The following BMPR1A variants were observed in gnomAD, a reference collection of about 807,000 sequenced individuals.
The protein encoded by BMPR1A is bone morphogenetic protein receptor type 1A, also known as bone morphogenetic protein receptor type-1A.
In BMPR1A, 7 loss-of-function variants were observed where a neutral mutation model predicts 66.0. The observed-to-expected ratio is 0.11, with a 90% CI of 0.06 to 0.20. BMPR1A has a LOEUF of 0.20. BMPR1A is among the 10% of genes least tolerant of loss of function. The probability of loss-of-function intolerance (pLI) is 1.00; values close to 1 mark genes in which losing one functional copy is unlikely to be tolerated. For missense variants in BMPR1A, 408 were observed against 669.1 expected (o/e 0.61, Z 4.31); for synonymous variants, 200 against 229.7 (o/e 0.87, Z 1.17).
At chr10:86,907,435 A>C (rs1247406823) in intron 7 of BMPR1A, among the ~76,000 whole-genome samples, 1 of 152,190 alleles carries the variant, frequency 6.6e-6, no homozygotes, top group Non-Finnish European at 1.5e-5. Flanking sequence ...GTCCCTCAAA[A>C]AACTAAAATC....
At chr10:86,916,636 C>T (rs746898955) in intron 8 of BMPR1A, among the ~76,000 whole-genome samples, 1 of 152,208 alleles carries the variant, frequency 6.6e-6, no homozygotes, top group South Asian at 2.1e-4. Flanking sequence ...TGCAAACAGC[C>T]AGCCACTTGA....
At chr10:86,778,332 T>C (rs1339916823) in intron 1 of BMPR1A, among the ~76,000 whole-genome samples, 1 of 152,018 alleles carries the variant, frequency 6.6e-6, no homozygotes, top group East Asian at 1.9e-4. Context: ...TTAATAGAAA[T>C]GGGGTCTCAC....
intron 1 of BMPR1A, among the ~76,000 whole-genome samples, chr10:86,794,927 C>G (rs1432015305): frequency 6.6e-6 from 1 of 151,612 alleles, no homozygotes; most frequent in African/African-American, 2.4e-5. Context: ...TCTTGACTCA[C>G]CGCACACTCC....
At chr10:86,764,326 T>A (rs1029962303) in intron 1 of BMPR1A, among the ~76,000 whole-genome samples, 3 of 152,240 alleles carry the variant, frequency 2.0e-5, no homozygotes, top group African/African-American at 7.2e-5. Flanking sequence ...AAGAATCATT[T>A]AAAAATGTCA....
rs1490089030 is a variant in BMPR1A, at chr10:86,828,193, C to T, written c.-267-10672C>T. On this transcript the variant is annotated intron_variant, in intron 1 of 12. Transcript: ENST00000372037. ...TATCATGGTACAACAATTACTTGATCGTAATAGAAGATGTGTTCAGTTTTT... is the reference window on the plus strand; with the variant it reads ...TATCATGGTACAACAATTACTTGATTGTAATAGAAGATGTGTTCAGTTTTT... Among the ~76,000 whole-genome samples the T allele has an allele frequency of 3.9e-5, 6 of 152,224 alleles. No individual in the cohort carries two copies. The East Asian group carries it at 7.7e-4, about 20-fold the overall frequency.
intron 1 of BMPR1A, among the ~76,000 whole-genome samples, chr10:86,798,786 C>T (rs905300007): frequency 2.6e-5 from 4 of 152,190 alleles, no homozygotes; most frequent in African/African-American, 7.2e-5. Flanking sequence ...CTTTGTTGCA[C>T]TTACCATAAT....
chr10:86,780,992 C>T (rs7072197), intron 1 of BMPR1A, among the ~76,000 whole-genome samples: 40,461 of 151,984 alleles, frequency 0.27, 6,808 homozygotes, highest in East Asian at 0.69. Flanking sequence ...TGTGAGCCAC[C>T]GTGCCTGGCC....
Position 86,818,892 on chromosome 10 carries a change from A to T in BMPR1A, c.-267-19973A>T, listed in dbSNP as rs376589487. On this transcript the variant is annotated intron_variant, in intron 1 of 12. Coordinates refer to ENST00000372037, the MANE Select transcript of BMPR1A (RefSeq NM_004329.3). The stretch of plus-strand genomic sequence containing the variant: ...TTTCCAAGAAGGCAAGATTTTTTGG[A>T]TTTTTTTGTTGTTGTTCATTGCTGT... Among the ~76,000 whole-genome samples, 5 of 152,182 alleles carry T rather than the reference A, an allele frequency of 3.3e-5. No individual in the cohort carries two copies. The East Asian group carries it at 7.7e-4, about 23-fold the overall frequency.
chr10:86,811,553 GTTCAGCT>G (rs1841970655), intron 1 of BMPR1A, among the ~76,000 whole-genome samples: 1 of 152,230 alleles, frequency 6.6e-6, no homozygotes, highest in Admixed American at 6.5e-5. Context: ...CCATGGTACA[GTTCAGCT>G]TCTCTCTGTC....
At chr10:86,774,440 A>G (rs1841313735) in intron 1 of BMPR1A, among the ~76,000 whole-genome samples, 1 of 150,736 alleles carries the variant, frequency 6.6e-6, no homozygotes, top group Admixed American at 6.6e-5. Context: ...ATTAAAGGGT[A>G]AAGAAATTAA....
intron 1 of BMPR1A, among the ~76,000 whole-genome samples, chr10:86,760,244 C>CCT (rs1841026307): frequency 3.6e-5 from 1 of 27,826 alleles, no homozygotes; most frequent in African/African-American, 1.3e-4. Flanking sequence ...TTCTTTCTTT[C>CCT]TTTCTTTTTT....
At chr10:86,811,173 G>A (rs533349234) in intron 1 of BMPR1A, among the ~76,000 whole-genome samples, 1 of 152,170 alleles carries the variant, frequency 6.6e-6, no homozygotes, top group Admixed American at 6.5e-5. Context: ...CGAGTAGCTG[G>A]GATTACAGGT....
intron 1 of BMPR1A, among the ~76,000 whole-genome samples, chr10:86,772,426 G>C (rs1841279975): frequency 1.3e-5 from 2 of 152,044 alleles, no homozygotes; most frequent in African/African-American, 2.4e-5. Context: ...CACCGCGCCC[G>C]GCCAGAGATA....
chr10:86,866,404 T>TTTTTTTCTTTC (rs1564707600), intron 2 of BMPR1A, among the ~76,000 whole-genome samples: 2 of 103,746 alleles, frequency 1.9e-5, no homozygotes, highest in East Asian at 2.6e-4. Flanking sequence ...TCTTTCTTTT[T>TTTTTTTCTTTC]TTTTTTTTTT....
chr10:86,883,628 G>A (rs970345314), intron 3 of BMPR1A, among the ~76,000 whole-genome samples: 10 of 150,304 alleles, frequency 6.7e-5, no homozygotes, highest in African/African-American at 2.2e-4. Flanking sequence ...AAAATTAGCC[G>A]GGCGTGGTGG....
At chr10:86,780,388 T>C (rs1405103245) in intron 1 of BMPR1A, among the ~76,000 whole-genome samples, 1 of 152,146 alleles carries the variant, frequency 6.6e-6, no homozygotes, top group Non-Finnish European at 1.5e-5. Flanking sequence ...CCCAGACCAG[T>C]GTCCTAAAAT....
intron 1 of BMPR1A, among the ~76,000 whole-genome samples, chr10:86,837,728 G>A (rs1299303372): frequency 6.6e-6 from 1 of 152,290 alleles, no homozygotes; most frequent in Middle Eastern, 3.4e-3. Flanking sequence ...TGGCTAAGTT[G>A]TAGGTAACTA....
In BMPR1A at chr10:86,762,691, A is replaced by G. The variant is rs1490555322; in HGVS notation, c.-268+5772A>G. Among the ~76,000 whole-genome samples, 4 of 151,942 alleles carry G rather than the reference A, an allele frequency of 2.6e-5. No individual in the cohort carries two copies. The East Asian group carries it at 7.8e-4, about 30-fold the overall frequency. On this transcript the variant is annotated intron_variant, in intron 1 of 12. Coordinates refer to ENST00000372037, the MANE Select transcript of BMPR1A (RefSeq NM_004329.3). The stretch of plus-strand genomic sequence containing the variant: ...AGAAATTTCAACTTAAGGCCTGGGT[A>G]GAGAAGATAGACATTAAATAATTAT...
Position 86,892,118 on chromosome 10 carries a change from C to A in BMPR1A, c.231-9C>A, listed in dbSNP as rs763313220. ...ATGTTTTGTTTTGTTTTGTTTTTTTCTGTTTTAGAACTAATGGACATTGCT... is the reference window on the plus strand; with the variant it reads ...ATGTTTTGTTTTGTTTTGTTTTTTTATGTTTTAGAACTAATGGACATTGCT... On this transcript the variant is annotated splice_polypyrimidine_tract_variant and intron_variant, in intron 4 of 12. Transcript: ENST00000372037. 7.5e-6 allele frequency: 12 copies of A among 1,605,124 alleles called. No individual in the cohort carries two copies. Among genetic ancestry groups the A allele is most frequent in the Non-Finnish European group, 1.0e-5 (12 of 1,172,280 alleles).
Sources: allele counts gnomAD v4.1 joint callset (sites outside exome capture counted in the v4.1 genomes callset), GRCh38; gene constraint gnomAD v4.1.1; transcripts MANE v1.5; gene names NCBI Gene and HGNC (gene_info 2026-07-23, HGNC 2026-07-21).